Variants in BRINP3 observed in about 807,000 individuals in gnomAD.
The protein encoded by BRINP3 is BMP/retinoic acid-inducible neural-specific protein 3.
In BRINP3, 19 loss-of-function variants were observed where a neutral mutation model predicts 71.0. The ratio of observed to expected loss-of-function variants is 0.27; its 90% CI spans 0.19 to 0.39. The LOEUF is 0.39. Among genes scored for constraint, BRINP3 ranks in the 10% least tolerant of loss-of-function variants. The probability of loss-of-function intolerance (pLI) is 1.00; values close to 1 mark genes in which losing one functional copy is unlikely to be tolerated. For synonymous variants in BRINP3, 380 were observed against 337.7 expected, an observed-to-expected ratio of 1.13 and a Z score of -1.37; for missense variants, 959 against 940.8, an observed-to-expected ratio of 1.02 and a Z score of -0.25.
intron 6 of BRINP3, among the ~76,000 whole-genome samples, chr1:190,220,837 A>T (rs1377954612): frequency 6.6e-6 from 1 of 152,202 alleles, no homozygotes; most frequent in Non-Finnish European, 1.5e-5. Flanking sequence ...TTTTCAAGGC[A>T]TAAATCCCAC....
At chr1:190,283,772 A>C (rs888175100) in intron 2 of BRINP3, among the ~76,000 whole-genome samples, 6 of 151,448 alleles carry the variant, frequency 4.0e-5, no homozygotes, top group African/African-American at 1.5e-4. Context: ...AACTTCTAAG[A>C]AGTTATTTTT....
chr1:190,120,882 A>C (rs560460243), intron 7 of BRINP3, among the ~76,000 whole-genome samples: 1 of 152,252 alleles, frequency 6.6e-6, no homozygotes, highest in East Asian at 1.9e-4. Context: ...TAAACATACG[A>C]TTTGAATTAA....
chr1:190,444,912 T>C (rs1675108233), intron 2 of BRINP3, among the ~76,000 whole-genome samples: 1 of 152,208 alleles, frequency 6.6e-6, no homozygotes, highest in South Asian at 2.1e-4. Flanking sequence ...TTTAATAAGA[T>C]ACGTACGTCC....
At chr1:190,389,319 C>T (rs1438504682) in intron 2 of BRINP3, among the ~76,000 whole-genome samples, 1 of 151,600 alleles carries the variant, frequency 6.6e-6, no homozygotes, top group African/African-American at 2.4e-5. Flanking sequence ...TAGTAGAATC[C>T]TAATTTGGAT....
chr1:190,140,128 GA>G (rs951974141), intron 7 of BRINP3, among the ~76,000 whole-genome samples: 17 of 151,996 alleles, frequency 1.1e-4, no homozygotes, highest in African/African-American at 4.1e-4. Flanking sequence ...AATATTTTAG[GA>G]AAAAACAGCT....
intron 6 of BRINP3, among the ~76,000 whole-genome samples, chr1:190,181,932 G>A (rs900122317): frequency 6.6e-6 from 1 of 151,692 alleles, no homozygotes; most frequent in Admixed American, 6.6e-5. Flanking sequence ...TTCCTTCATT[G>A]GAAACCTACT....
At chr1:190,151,266 C>G (rs931932892) in intron 7 of BRINP3, among the ~76,000 whole-genome samples, 1 of 152,090 alleles carries the variant, frequency 6.6e-6, no homozygotes, top group South Asian at 2.1e-4. Flanking sequence ...ATAGATGAGA[C>G]CTATTAGAGA....
chr1:190,406,524 A>G (rs1389681813), intron 2 of BRINP3, among the ~76,000 whole-genome samples: 2 of 152,154 alleles, frequency 1.3e-5, no homozygotes, highest in Non-Finnish European at 2.9e-5. Context: ...TTGACTTTTC[A>G]TCTACTTATT....
chr1:190,166,798 A>G (rs1487186212), intron 6 of BRINP3, among the ~76,000 whole-genome samples: 1 of 151,986 alleles, frequency 6.6e-6, no homozygotes, highest in African/African-American at 2.4e-5. Flanking sequence ...ATTTCTGCTC[A>G]CTACAACCTC....
At chr1:190,155,007 T>C (rs1483767707) in intron 7 of BRINP3, among the ~76,000 whole-genome samples, 1 of 152,160 alleles carries the variant, frequency 6.6e-6, no homozygotes, top group Non-Finnish European at 1.5e-5. Context: ...AGAACTTGTA[T>C]CTGCCACTAG....
chr1:190,411,336 T>A (rs1341245408), intron 2 of BRINP3, among the ~76,000 whole-genome samples: 2 of 152,146 alleles, frequency 1.3e-5, no homozygotes, highest in Non-Finnish European at 2.9e-5. Context: ...AAAGTAAAGC[T>A]TTTAGAAGAT....
At chr1:190,379,183 T>C (rs971975295) in intron 2 of BRINP3, among the ~76,000 whole-genome samples, 1 of 152,182 alleles carries the variant, frequency 6.6e-6, no homozygotes, top group Non-Finnish European at 1.5e-5. Flanking sequence ...TACCACCAGA[T>C]TTTTATTACA....
chr1:190,320,815 G>T (rs982347331), intron 2 of BRINP3, among the ~76,000 whole-genome samples: 1 of 152,140 alleles, frequency 6.6e-6, no homozygotes, highest in Non-Finnish European at 1.5e-5. Flanking sequence ...GTACATACAT[G>T]CTCATGATAT....
chr1:190,192,376 G>C (rs1323504157), intron 6 of BRINP3, among the ~76,000 whole-genome samples: 1 of 151,980 alleles, frequency 6.6e-6, no homozygotes. Flanking sequence ...AATCACTAAG[G>C]AACATTAAAA....
intron 3 of BRINP3, among the ~76,000 whole-genome samples, chr1:190,275,492 G>T (rs562019196): frequency 1.3e-5 from 2 of 151,464 alleles, no homozygotes; most frequent in Admixed American, 6.6e-5. Context: ...GATGCTTTTC[G>T]TTCATGGACC....
At chr1:190,234,598 G>C in intron 4 of BRINP3, 121 bp from the exon 5 acceptor site, 1 of 641,918 alleles carries the variant, frequency 1.6e-6, no homozygotes, top group Non-Finnish European at 2.7e-6. Context: ...AAAGGTCCAG[G>C]ATCTCATACA....
At chr1:190,449,026 C>G (rs1296797239) in intron 2 of BRINP3, among the ~76,000 whole-genome samples, 1 of 151,898 alleles carries the variant, frequency 6.6e-6, no homozygotes, top group Non-Finnish European at 1.5e-5. Flanking sequence ...AAATTCAGAT[C>G]TCTAAGTATT....
At chr1:190,192,033 T>C (rs1654080688) in intron 6 of BRINP3, among the ~76,000 whole-genome samples, 1 of 152,170 alleles carries the variant, frequency 6.6e-6, no homozygotes, top group African/African-American at 2.4e-5. Flanking sequence ...GAAATTGACT[T>C]ATTATTTCAC....
chr1:190,307,258 G>GTTTTTT (rs71123082), intron 2 of BRINP3, among the ~76,000 whole-genome samples: 5 of 52,634 alleles, frequency 9.5e-5, no homozygotes, highest in Admixed American at 3.2e-4. Flanking sequence ...TTAAAACATT[G>GTTTTTT]TTTTTTTTTT....
Sources: gnomAD v4.1 joint callset for allele counts (sites outside exome capture counted in the v4.1 genomes callset) on GRCh38, gnomAD v4.1.1 for gene constraint, MANE v1.5 for transcripts, NCBI Gene and HGNC (gene_info 2026-07-23, HGNC 2026-07-21) for gene names.